The following FBXO45 variants were observed in gnomAD, a reference collection of about 807,000 sequenced individuals.
FBXO45 encodes the protein F-box/SPRY domain-containing protein 1.
FBXO45 carries 3 observed loss-of-function variants against 25.5 expected under a neutral mutation model. The ratio of observed to expected loss-of-function variants is 0.12; its 90% confidence interval spans 0.05 to 0.30. The LOEUF (loss-of-function observed/expected upper bound fraction) is 0.30, where lower values mean the gene tolerates loss of function less well. FBXO45 is among the 10% of genes least tolerant of loss of function. The pLI, the probability that FBXO45 is intolerant of heterozygous loss-of-function variation, is 1.00. For missense variants in FBXO45, 219 were observed against 365.0 expected (o/e 0.60, Z 3.26); for synonymous variants, 155 against 149.8 (o/e 1.03, Z -0.25).
chr3:196,571,116 C>T (rs1353693320), intron 1 of FBXO45, among the ~76,000 whole-genome samples: 1 of 152,116 alleles, frequency 6.6e-6, no homozygotes, highest in Admixed American at 6.5e-5. Flanking sequence ...TGAGTACAGA[C>T]GATTGGAATT....
chr3:196,579,494 C>G (rs1735973190), intron 2 of FBXO45, among the ~76,000 whole-genome samples: 1 of 152,176 alleles, frequency 6.6e-6, no homozygotes, highest in Admixed American at 6.5e-5. Context: ...GTCCTTAAGT[C>G]TGTTTTTCAG....
At chr3:196,578,843 A>G (rs1272304705) in intron 2 of FBXO45, among the ~76,000 whole-genome samples, 1 of 151,862 alleles carries the variant, frequency 6.6e-6, no homozygotes, top group Non-Finnish European at 1.5e-5. Context: ...GTGTTAGTGT[A>G]TTTTATGTGT....
At chr3:196,577,339 T>C (rs1735932696) in intron 1 of FBXO45, 114 bp from the exon 2 acceptor site, 3 of 791,334 alleles carry the variant, frequency 3.8e-6, no homozygotes, top group East Asian at 2.8e-5. Context: ...ACTTGTGTTA[T>C]TTTAAAATAT....
In FBXO45 at chr3:196,569,783, C is replaced by A. The variant is rs1735757018; in HGVS notation, c.318+481C>A. 6.6e-6 allele frequency among the ~76,000 whole-genome samples: 1 copy of A among 152,126 alleles called. No individual in the cohort carries two copies. The highest frequency in any genetic ancestry group is 1.5e-5 in the Non-Finnish European group (1 of 68,040). ...TTTAACCATTTGTTTTCATTATTTT[C>A]CCCCAAGTTCTCTTTAGTTCCCTCC... On this transcript the variant is annotated intron_variant, in intron 1 of 2. Transcript: ENST00000311630. The surrounding 1 kb of genome is among the most constrained non-coding windows in gnomAD (Gnocchi z 4.1).
At position 196,569,432 on chromosome 3, in the gene FBXO45, A is replaced by G; in HGVS notation, c.318+130A>G. On this transcript the variant is annotated intron_variant, in intron 1 of 2. Coordinates refer to ENST00000311630, the MANE Select transcript of FBXO45 (RefSeq NM_001105573.2). This position sits in a 1 kb window ranked among gnomAD's most constrained non-coding sequence, Gnocchi z 4.1. ...CCGCCTTTCCACGGCTCCAGTCAGT[A>G]TCTTCCTCACCTCCCCCCAAGATAA... is the stretch of plus-strand genomic sequence containing the variant. 8.3e-6 allele frequency: 7 copies of G among 840,788 alleles called. No homozygotes were observed. The highest frequency in any genetic ancestry group is 1.2e-5 in the Non-Finnish European group (7 of 564,626). The allele number at this position is 840,788 out of a possible 1,614,324, so 52.1% of individuals were successfully genotyped here.
intron 1 of FBXO45, among the ~76,000 whole-genome samples, chr3:196,575,681 C>CTTT (rs549432229): frequency 7.1e-5 from 10 of 141,688 alleles, no homozygotes; most frequent in African/African-American, 2.3e-4. Flanking sequence ...TTCTTTGTTT[C>CTTT]TTTTTTTTTT....
chr3:196,583,909 G>A (rs1736060591), intron 2 of FBXO45, among the ~76,000 whole-genome samples: 2 of 152,184 alleles, frequency 1.3e-5, no homozygotes, highest in Non-Finnish European at 2.9e-5. Context: ...GCCCGCCTCA[G>A]CCTCCCAAAG....
intron 2 of FBXO45, among the ~76,000 whole-genome samples, chr3:196,578,046 C>CTT (rs775555553): frequency 5.3e-5 from 5 of 94,056 alleles, no homozygotes; most frequent in Non-Finnish European, 9.7e-5. Flanking sequence ...GAAAAATATT[C>CTT]TTTTTTTTTT....
Position 196,586,837 on chromosome 3 carries a change from T to C in FBXO45, c.*2519T>C, listed in dbSNP as rs1736118838. ...TTTAAAAACTTTCTGGTCATTTCAA[T>C]ATGCTGCCAAGGTTGAGAACCACTG... On this transcript the variant is annotated 3_prime_UTR_variant, in exon 3 of 3. Transcript: ENST00000311630. 6.6e-6 allele frequency: 1 copy of C among 152,080 alleles called. No homozygotes were observed. Among genetic ancestry groups the C allele is most frequent in the Non-Finnish European group, 1.5e-5 (1 of 68,024 alleles). 9.4% of individuals were successfully genotyped at this position (152,080 alleles called of 1,614,324 possible).
chr3:196,577,331 TTG>T, intron 1 of FBXO45, 120 bp from the exon 2 acceptor site: 1 of 708,810 alleles, frequency 1.4e-6, no homozygotes. Context: ...TTGGAAATAC[TTG>T]TGTTATTTTA....
At chr3:196,580,283 G>A (rs564610665) in intron 2 of FBXO45, among the ~76,000 whole-genome samples, 109 of 148,698 alleles carry the variant, frequency 7.3e-4, no homozygotes, top group African/African-American at 2.6e-3. Context: ...TCAGCTCACC[G>A]CAACCTCTGC....
chr3:196,582,074 C>A (rs7648453), intron 2 of FBXO45, among the ~76,000 whole-genome samples: 30,626 of 152,082 alleles, frequency 0.2, 3,888 homozygotes, highest in East Asian at 0.61. Flanking sequence ...AGTTCCTCCT[C>A]TAAGTTTCCA....
At position 196,575,080 on chromosome 3, in the gene FBXO45, G is replaced by T. The variant is rs572443537; in HGVS notation, c.319-2373G>T. Among the ~76,000 whole-genome samples the T allele has an allele frequency of 5.3e-5, 8 of 152,298 alleles. No homozygotes were observed. The South Asian group carries it at 1.7e-3, about 32-fold the overall frequency. Reference sequence around the variant, plus strand: ...TTGAGGACTGAGTTTGGAGAATTTGGTTGGGGCAGAGGAAGGGTGGTCACC... The same window carrying T: ...TTGAGGACTGAGTTTGGAGAATTTGTTTGGGGCAGAGGAAGGGTGGTCACC... On this transcript the variant is annotated intron_variant, in intron 1 of 2. Coordinates refer to ENST00000311630, the MANE Select transcript of FBXO45 (RefSeq NM_001105573.2).
Position 196,569,036 on chromosome 3 carries a change from AGCG to A in FBXO45, c.62_64del (p.Gly21del). On this transcript the variant is annotated inframe_deletion, in exon 1 of 3. Coordinates refer to ENST00000311630, the MANE Select transcript of FBXO45 (RefSeq NM_001105573.2). This position sits in a 1 kb window ranked among gnomAD's most constrained non-coding sequence, Gnocchi z 4.1. ...GGCAGCCTCGGGCGGCGCTGGCTGT[AGCG>A]GCGGCGGCGCGGGCGCGGGCGCGGG... 2 of 1,065,606 alleles carry A rather than the reference AGCG, an allele frequency of 1.9e-6. No homozygotes were observed. The highest frequency in any genetic ancestry group is 2.3e-6 in the Non-Finnish European group (2 of 885,404). 66.0% of individuals were successfully genotyped at this position (1,065,606 alleles called of 1,614,324 possible).
chr3:196,577,326 A>G (rs1735932590), intron 1 of FBXO45, 127 bp from the exon 2 acceptor site: 1 of 691,330 alleles, frequency 1.4e-6, no homozygotes, highest in Non-Finnish European at 2.3e-6. Context: ...ATTATTTGGA[A>G]ATACTTGTGT....
chr3:196,578,413 G>A (rs1278628484), intron 2 of FBXO45, among the ~76,000 whole-genome samples: 1 of 152,034 alleles, frequency 6.6e-6, no homozygotes, highest in African/African-American at 2.4e-5. Context: ...ACAACTTTAA[G>A]CAGCCTATTT....
rs1736160917 is a variant in FBXO45, at chr3:196,587,688, T to C, written c.*3370T>C. 1 of 152,190 alleles carries C rather than the reference T, an allele frequency of 6.6e-6. No homozygotes were observed. The highest frequency in any genetic ancestry group is 1.5e-5 in the Non-Finnish European group (1 of 68,042). The allele number at this position is 152,190 out of a possible 1,614,324, so 9.4% of individuals were successfully genotyped here. A position where few individuals can be genotyped will look rare whatever the true frequency, so the allele number is the denominator to read the frequency against. On this transcript the variant is annotated 3_prime_UTR_variant, in exon 3 of 3. Transcript: ENST00000311630. ...AGGTGTATGCCACTATACCCAGCTT[T>C]AACTTTTAAATCCCCAAACTATGTA...
rs1736063822 is a variant in FBXO45, at chr3:196,584,149, G to A, written c.692G>A (p.Arg231Gln). 1.9e-6 allele frequency: 3 copies of A among 1,613,476 alleles called. No homozygotes were observed. The highest frequency in any genetic ancestry group is 1.3e-5 in the African/African-American group (1 of 74,882). Residue 231 changes from arginine to glutamine, a missense_variant, in exon 3 of 3, where the codon CGA becomes CAA. This residue lies in a region of FBXO45 where 34 missense variants were observed against 48.2 expected (regional missense o/e 0.70). Transcript: ENST00000311630. The surrounding 1 kb of genome is among the most constrained non-coding windows in gnomAD (Gnocchi z 4.3). Reference protein sequence around the residue: ...APKYQIGERIRVILDMEDKTL... With the variant: ...APKYQIGERIQVILDMEDKTL... ...TGTTTGCAGATAGGAGAAAGAATTC[G>A]AGTCATCTTGGACATGGAAGATAAG... is the stretch of plus-strand genomic sequence containing the variant.
At position 196,569,428 on chromosome 3, in the gene FBXO45, C is replaced by T; in HGVS notation, c.318+126C>T. On this transcript the variant is annotated intron_variant, in intron 1 of 2. Coordinates refer to ENST00000311630, the MANE Select transcript of FBXO45 (RefSeq NM_001105573.2). The surrounding 1 kb of genome is among the most constrained non-coding windows in gnomAD (Gnocchi z 4.1). ...CAGCCCGCCTTTCCACGGCTCCAGT[C>T]AGTATCTTCCTCACCTCCCCCCAAG... 3 of 864,850 alleles carry T rather than the reference C, an allele frequency of 3.5e-6. No individual in the cohort carries two copies. Among genetic ancestry groups the T allele is most frequent in the Non-Finnish European group, 5.1e-6 (3 of 585,670 alleles). 53.6% of individuals were successfully genotyped at this position (864,850 alleles called of 1,614,324 possible).
Sources: allele counts gnomAD v4.1 joint callset (sites outside exome capture counted in the v4.1 genomes callset), GRCh38; gene constraint gnomAD v4.1.1; regional missense constraint gnomAD v4.1.1; non-coding constraint Gnocchi (gnomAD v3.1); transcripts MANE v1.5; gene names NCBI Gene and HGNC (gene_info 2026-07-23, HGNC 2026-07-21).